KBTBD11: variants seen among roughly 807,000 people sequenced by gnomAD.
The protein encoded by KBTBD11 is kelch repeat and BTB domain containing 11, also known as kelch repeat and BTB domain-containing protein 11.
For synonymous variants in KBTBD11, 747 were observed against 499.0 expected (o/e 1.50, Z -6.63); for missense variants, 1,390 against 1,001.8 (o/e 1.39, Z -5.23).
At chr8:1,983,813 A>G (rs533915466) in intron 1 of KBTBD11, among the ~76,000 whole-genome samples, 9 of 152,372 alleles carry the variant, frequency 5.9e-5, no homozygotes, top group South Asian at 2.1e-4. Context: ...ATTTTATTGA[A>G]GTCTAACATA....
chr8:1,988,966 G>A (rs1816788271), intron 1 of KBTBD11, among the ~76,000 whole-genome samples: 1 of 152,198 alleles, frequency 6.6e-6, no homozygotes, highest in Non-Finnish European at 1.5e-5. Context: ...GATTCCAGCT[G>A]AGCGTCCTGG....
intron 1 of KBTBD11, among the ~76,000 whole-genome samples, chr8:1,999,505 T>C (rs1366646176): frequency 3.3e-5 from 5 of 152,168 alleles, no homozygotes; most frequent in Admixed American, 3.3e-4. Flanking sequence ...TGTTAGGGAG[T>C]GTCCGTGAAG....
At chr8:1,986,214 G>A (rs573569129) in intron 1 of KBTBD11, among the ~76,000 whole-genome samples, 3 of 152,170 alleles carry the variant, frequency 2.0e-5, no homozygotes, top group African/African-American at 7.2e-5. Context: ...GCAGCCAATG[G>A]TCATTGTTCC....
chr8:1,995,099 C>G (rs1370875466), intron 1 of KBTBD11, among the ~76,000 whole-genome samples: 2 of 146,258 alleles, frequency 1.4e-5, no homozygotes, highest in East Asian at 2.0e-4. Context: ...AGAGTATATA[C>G]ATTGTGCTGT....
At chr8:1,976,681 A>G (rs963091619) in intron 1 of KBTBD11, among the ~76,000 whole-genome samples, 3 of 152,162 alleles carry the variant, frequency 2.0e-5, no homozygotes, top group African/African-American at 7.2e-5. Flanking sequence ...AGTGAAAGGC[A>G]TTCAGCATAT....
At chr8:1,987,882 A>G (rs1816756966) in intron 1 of KBTBD11, among the ~76,000 whole-genome samples, 1 of 151,378 alleles carries the variant, frequency 6.6e-6, no homozygotes, top group African/African-American at 2.4e-5. Flanking sequence ...TCCCTCCCCC[A>G]GCTCCCCAGC....
intron 1 of KBTBD11, among the ~76,000 whole-genome samples, chr8:1,992,783 C>G (rs1413461541): frequency 1.3e-5 from 2 of 151,930 alleles, no homozygotes; most frequent in Admixed American, 6.6e-5. Flanking sequence ...GATTTTAAAA[C>G]CTAGCTGTAA....
intron 1 of KBTBD11, among the ~76,000 whole-genome samples, chr8:1,981,405 T>A (rs1035827868): frequency 1.3e-5 from 2 of 152,220 alleles, no homozygotes; most frequent in Non-Finnish European, 2.9e-5. Flanking sequence ...ACTCTAACAC[T>A]GTAACGATGG....
At chr8:1,974,621 C>G in intron 1 of KBTBD11, 1 of 985,304 alleles carries the variant, frequency 1.0e-6, no homozygotes. Context: ...CCCACCGCGC[C>G]GCGGCTCCCG....
chr8:1,991,244 G>C (rs907132334), intron 1 of KBTBD11, among the ~76,000 whole-genome samples: 1 of 152,250 alleles, frequency 6.6e-6, no homozygotes, highest in South Asian at 2.1e-4. Flanking sequence ...TGCTAGGGCA[G>C]CGGCTGCACC....
rs1419452018 is a variant in KBTBD11 at position 2,002,446 on chromosome 8, C to T, written c.1254C>T (p.Gly418=). ...TGGACGGTCACCTCTACGCCGTGGG[C>T]GGCGAGTGCCTGCTCAGCGTGGAGC... ...LALDGHLYAV[G]GECLLSVERY... The change falls in exon 2 of 2, where the codon GGC becomes GGT. Residue 418 remains glycine (G), a synonymous_variant. Transcript: ENST00000320248. The surrounding 1 kb of genome is among the most constrained non-coding windows in gnomAD (Gnocchi z 4.1). 2 of 1,505,352 alleles carry T rather than the reference C, an allele frequency of 1.3e-6. No individual in the cohort carries two copies. The highest frequency in any genetic ancestry group is 2.5e-5 in the South Asian group (2 of 81,292). The allele number at this position is 1,505,352 out of a possible 1,614,324, so 93.2% of individuals were successfully genotyped here.
intron 1 of KBTBD11, among the ~76,000 whole-genome samples, chr8:1,984,764 G>C (rs1268195944): frequency 6.6e-6 from 1 of 152,156 alleles, no homozygotes; most frequent in Non-Finnish European, 1.5e-5. Flanking sequence ...GATTAGTTTA[G>C]TGGCATCTCC....
intron 1 of KBTBD11, among the ~76,000 whole-genome samples, chr8:1,993,210 G>A (rs1816982377): frequency 6.6e-6 from 1 of 152,076 alleles, no homozygotes; most frequent in African/African-American, 2.4e-5. Flanking sequence ...GCCTTCTGAA[G>A]TGCTGGGATT....
chr8:1,989,414 C>A (rs539189770), intron 1 of KBTBD11, among the ~76,000 whole-genome samples: 40 of 152,338 alleles, frequency 2.6e-4, no homozygotes, highest in African/African-American at 8.9e-4. Context: ...CAGCGGCTCC[C>A]TGTCCAATCT....
At chr8:1,974,220 G>T (rs1029974287) in intron 1 of KBTBD11, 1 of 900,984 alleles carries the variant, frequency 1.1e-6, no homozygotes, top group African/African-American at 1.8e-5. Flanking sequence ...CCGCCTCCGG[G>T]AGGCCGCGTG....
intron 1 of KBTBD11, among the ~76,000 whole-genome samples, chr8:1,997,001 C>G (rs140069247): frequency 1.3e-5 from 2 of 152,206 alleles, no homozygotes; most frequent in East Asian, 3.9e-4. Context: ...CACTCCCTGT[C>G]TCCCCCGCGC....
At chr8:1,997,502 C>T (rs926449555) in intron 1 of KBTBD11, among the ~76,000 whole-genome samples, 1 of 152,194 alleles carries the variant, frequency 6.6e-6, no homozygotes, top group South Asian at 2.1e-4. Context: ...TGTGTGACAC[C>T]ACGTCCATTC....
At chr8:1,997,459 A>G (rs1817185125) in intron 1 of KBTBD11, among the ~76,000 whole-genome samples, 2 of 152,162 alleles carry the variant, frequency 1.3e-5, no homozygotes, top group Non-Finnish European at 2.9e-5. Context: ...GAGACAGAAA[A>G]GGGCCTCCTG....
At position 2,002,728 on chromosome 8, in the gene KBTBD11, C is replaced by T; in HGVS notation, c.1536C>T (p.Gly512=). 1.3e-6 allele frequency: 2 copies of T among 1,508,750 alleles called. No individual in the cohort carries two copies. The highest frequency in any genetic ancestry group is 1.8e-6 in the Non-Finnish European group (2 of 1,135,764). The allele number at this position is 1,508,750 out of a possible 1,614,324, so 93.5% of individuals were successfully genotyped here. ...IYRFDLSGSR[G]EAQAAGPSGV... is the part of the protein sequence containing the mutation. ...GCTTCGATCTGAGCGGCAGCCGCGGCGAGGCGCAGGCGGCGGGGCCGAGCG... is the reference window on the plus strand; with the variant it reads ...GCTTCGATCTGAGCGGCAGCCGCGGTGAGGCGCAGGCGGCGGGGCCGAGCG... The change falls in exon 2 of 2, where the codon GGC becomes GGT. Residue 512 remains glycine (G), a synonymous_variant. Coordinates refer to ENST00000320248, the MANE Select transcript of KBTBD11 (RefSeq NM_014867.3). This position sits in a 1 kb window ranked among gnomAD's most constrained non-coding sequence, Gnocchi z 4.1.
Sources: allele counts gnomAD v4.1 joint callset (sites outside exome capture counted in the v4.1 genomes callset), GRCh38; gene constraint gnomAD v4.1.1; non-coding constraint Gnocchi (gnomAD v3.1); transcripts MANE v1.5; gene names NCBI Gene and HGNC (gene_info 2026-07-23, HGNC 2026-07-21).